CHCHD3: variants seen among roughly 807,000 people sequenced by gnomAD.
The protein encoded by CHCHD3 is MICOS complex subunit MIC19.
A neutral mutation model predicts 38.2 loss-of-function variants in CHCHD3; 20 were observed. That is an observed-to-expected ratio of 0.52 (90% CI 0.37 to 0.76). The LOEUF (loss-of-function observed/expected upper bound fraction) is 0.76. CHCHD3 is among the 30% of genes least tolerant of loss of function. CHCHD3 has a pLI of 0.00. For synonymous variants in CHCHD3, 82 were observed against 100.0 expected (o/e 0.82, Z 1.07); for missense variants, 245 against 279.2 (o/e 0.88, Z 0.87).
At chr7:132,793,402 T>C (rs1413728450) in intron 7 of CHCHD3, among the ~76,000 whole-genome samples, 4 of 152,262 alleles carry the variant, frequency 2.6e-5, no homozygotes, top group African/African-American at 9.6e-5. Flanking sequence ...AGCCAGCTGG[T>C]AGCTTTTAAG....
intron 6 of CHCHD3, among the ~76,000 whole-genome samples, chr7:132,825,361 C>T (rs189426759): frequency 1.2e-4 from 19 of 152,322 alleles, no homozygotes; most frequent in Admixed American, 1.2e-3. Context: ...CAAAATAGGT[C>T]TGCTGGCAAT....
intron 2 of CHCHD3, among the ~76,000 whole-genome samples, chr7:133,048,156 T>A (rs1227512514): frequency 6.6e-6 from 1 of 150,636 alleles, no homozygotes; most frequent in Non-Finnish European, 1.5e-5. Flanking sequence ...AAAAAAAAAA[T>A]ACCTACTCAG....
At chr7:133,072,537 G>T (rs116465801) in intron 1 of CHCHD3, among the ~76,000 whole-genome samples, 1,852 of 152,142 alleles carry the variant, frequency 0.012, 30 homozygotes, top group African/African-American at 0.042. Context: ...CAAAAAGTCT[G>T]AGTCTCAAGA....
At chr7:132,840,897 AAC>A (rs1450971064) in intron 5 of CHCHD3, among the ~76,000 whole-genome samples, 1 of 150,518 alleles carries the variant, frequency 6.6e-6, no homozygotes, top group South Asian at 2.1e-4. Flanking sequence ...AGGATGTTAA[AAC>A]ACACACACAC....
intron 6 of CHCHD3, among the ~76,000 whole-genome samples, chr7:132,810,790 C>T (rs1807050194): frequency 6.6e-6 from 1 of 152,122 alleles, no homozygotes; most frequent in Admixed American, 6.5e-5. Flanking sequence ...TAATATATGC[C>T]ATTACACACA....
chr7:132,990,741 G>A (rs999626969), intron 3 of CHCHD3, among the ~76,000 whole-genome samples: 1 of 152,100 alleles, frequency 6.6e-6, no homozygotes, highest in Admixed American at 6.6e-5. Context: ...TAAGGCTAGG[G>A]AAACCTTAGG....
chr7:132,853,324 A>G (rs1449694337), intron 5 of CHCHD3, among the ~76,000 whole-genome samples: 1 of 152,220 alleles, frequency 6.6e-6, no homozygotes, highest in Non-Finnish European at 1.5e-5. Context: ...AAGGTGACAC[A>G]AATGAGTAAG....
chr7:132,900,898 G>A (rs967712729), intron 4 of CHCHD3, among the ~76,000 whole-genome samples: 8 of 152,170 alleles, frequency 5.3e-5, no homozygotes, highest in African/African-American at 1.9e-4. Flanking sequence ...GGCTGAGGCA[G>A]GAGAATTGCT....
chr7:132,815,077 G>A (rs542439114), intron 6 of CHCHD3, among the ~76,000 whole-genome samples: 2 of 152,242 alleles, frequency 1.3e-5, no homozygotes, highest in African/African-American at 4.8e-5. Context: ...ATGAAATAAA[G>A]CAATGAGAGC....
intron 5 of CHCHD3, among the ~76,000 whole-genome samples, chr7:132,869,612 G>C (rs1411412289): frequency 1.3e-5 from 2 of 152,106 alleles, no homozygotes; most frequent in Non-Finnish European, 2.9e-5. Context: ...TTAGAGTCAG[G>C]ATCTCGCTCT....
intron 4 of CHCHD3, among the ~76,000 whole-genome samples, chr7:132,919,800 T>C (rs1172398539): frequency 6.6e-6 from 1 of 152,142 alleles, no homozygotes; most frequent in Non-Finnish European, 1.5e-5. Context: ...TAACTCCAAA[T>C]GACTAGCCCT....
intron 6 of CHCHD3, among the ~76,000 whole-genome samples, chr7:132,830,339 T>C (rs1401837735): frequency 6.6e-6 from 1 of 152,180 alleles, no homozygotes; most frequent in African/African-American, 2.4e-5. Flanking sequence ...GGCACTACCT[T>C]ACATATCCCC....
chr7:132,900,123 C>T (rs964997875), intron 4 of CHCHD3, among the ~76,000 whole-genome samples: 2 of 114,018 alleles, frequency 1.8e-5, no homozygotes, highest in African/African-American at 6.8e-5. Flanking sequence ...TAGCAATATT[C>T]GCTGGGCTGC....
intron 3 of CHCHD3, among the ~76,000 whole-genome samples, chr7:132,996,468 G>A (rs1437678862): frequency 6.6e-6 from 1 of 152,176 alleles, no homozygotes; most frequent in Admixed American, 6.5e-5. Flanking sequence ...CCGTGAAGAA[G>A]CATAAAACAA....
chr7:132,872,336 C>G (rs531832989), intron 5 of CHCHD3, among the ~76,000 whole-genome samples: 27 of 152,312 alleles, frequency 1.8e-4, no homozygotes, highest in African/African-American at 6.5e-4. Flanking sequence ...GCATAGCAAG[C>G]TAAGCGTGCT....
intron 5 of CHCHD3, among the ~76,000 whole-genome samples, chr7:132,878,612 C>T (rs551705438): frequency 3.9e-5 from 6 of 152,308 alleles, no homozygotes; most frequent in African/African-American, 1.4e-4. Context: ...AATTCTCTCT[C>T]CCTTTTAATT....
chr7:132,912,863 G>C (rs950676526), intron 4 of CHCHD3, among the ~76,000 whole-genome samples: 1 of 152,182 alleles, frequency 6.6e-6, no homozygotes, highest in Admixed American at 6.5e-5. Flanking sequence ...CCAAAGATGG[G>C]ACTACTAACA....
intron 4 of CHCHD3, among the ~76,000 whole-genome samples, chr7:132,960,130 T>C (rs1811280242): frequency 6.6e-6 from 1 of 152,124 alleles, no homozygotes; most frequent in African/African-American, 2.4e-5. Context: ...CATATTTTAA[T>C]CCACCGCATG....
chr7:132,872,326 G>A (rs957967236), intron 5 of CHCHD3, among the ~76,000 whole-genome samples: 3 of 152,286 alleles, frequency 2.0e-5, no homozygotes, highest in African/African-American at 4.8e-5. Flanking sequence ...GGTACAATCC[G>A]CATAGCAAGC....
Sources: gnomAD v4.1 joint callset for allele counts (sites outside exome capture counted in the v4.1 genomes callset) on GRCh38, gnomAD v4.1.1 for gene constraint, MANE v1.5 for transcripts, NCBI Gene and HGNC (gene_info 2026-07-23, HGNC 2026-07-21) for gene names.